MPHOSPH9: variants seen among roughly 807,000 people sequenced by gnomAD.
MPHOSPH9 encodes M-phase phosphoprotein 9.
A neutral mutation model predicts 145.5 loss-of-function variants in MPHOSPH9; 88 were observed. The observed-to-expected ratio is 0.60, with a 90% CI of 0.51 to 0.72. The LOEUF is 0.72. Ranked by LOEUF, MPHOSPH9 falls within the 30% of genes least tolerant of loss-of-function variation. MPHOSPH9 has a pLI of 0.00. For synonymous variants in MPHOSPH9, 435 were observed against 486.2 expected, an observed-to-expected ratio of 0.89 and a Z score of 1.39; for missense variants, 1,238 against 1,386.6, an observed-to-expected ratio of 0.89 and a Z score of 1.70.
chr12:123,238,987 T>C (rs2047891175), intron 1 of MPHOSPH9, among the ~76,000 whole-genome samples: 1 of 152,044 alleles, frequency 6.6e-6, no homozygotes, highest in South Asian at 2.1e-4. Context: ...TTTTAAAATA[T>C]TGGCTGGGTG....
At chr12:123,199,828 T>A in intron 11 of MPHOSPH9, among the ~76,000 whole-genome samples, 1 of 151,648 alleles carries the variant, frequency 6.6e-6, no homozygotes, top group Non-Finnish European at 1.5e-5. Context: ...AAGATTATCA[T>A]TGATCCCATT....
At chr12:123,173,036 T>G (rs1428044305) in intron 16 of MPHOSPH9, among the ~76,000 whole-genome samples, 2 of 151,634 alleles carry the variant, frequency 1.3e-5, no homozygotes, top group Non-Finnish European at 2.9e-5. Flanking sequence ...CCACTATGCC[T>G]GGCTTATTTT....
chr12:123,203,313 C>T lies in MPHOSPH9; in HGVS notation c.1257G>A (p.Arg419=), dbSNP rs1254701633. The part of the protein sequence containing the change: ...SLKDIYYKKQ[R]ENKQLPERNL... ...TCCTCTCAGGTAACTGCTTGTTTTC[C>T]CTTTGTTTTTTATAATAAATATCCT... is the stretch of plus-strand genomic sequence containing the variant. The change falls in exon 9 of 24, where the codon AGG becomes AGA. Residue 419 remains arginine, a synonymous_variant. Coordinates refer to ENST00000606320, the MANE Select transcript of MPHOSPH9 (RefSeq NM_022782.4). The T allele has an allele frequency of 6.2e-7, 1 of 1,612,844 alleles. No individual in the cohort carries two copies. The highest frequency in any genetic ancestry group is 8.5e-7 in the Non-Finnish European group (1 of 1,178,992).
chr12:123,170,752 T>C (rs933951928), intron 16 of MPHOSPH9, among the ~76,000 whole-genome samples: 2 of 152,224 alleles, frequency 1.3e-5, no homozygotes, highest in East Asian at 3.8e-4. Flanking sequence ...AATTAACACG[T>C]GTGAAAATTC....
intron 14 of MPHOSPH9, 92 bp downstream of exon 14, chr12:123,181,071 G>T: frequency 8.6e-7 from 1 of 1,164,516 alleles, no homozygotes; most frequent in Non-Finnish European, 1.3e-6. Context: ...TTCAGGAAGG[G>T]GTGCAAGGAG....
intron 13 of MPHOSPH9, among the ~76,000 whole-genome samples, chr12:123,181,542 T>TCAAAAA (rs888951927): frequency 1.4e-4 from 20 of 148,028 alleles, no homozygotes; most frequent in African/African-American, 2.5e-4. Context: ...CCTCGTCTCT[T>TCAAAAA]CAAAAACAAA....
intron 16 of MPHOSPH9, among the ~76,000 whole-genome samples, chr12:123,169,323 G>A (rs2044472290): frequency 6.6e-6 from 1 of 151,288 alleles, no homozygotes; most frequent in East Asian, 2.1e-4. Context: ...GTGAAACCCC[G>A]TCTCTACTAA....
At chr12:123,238,557 G>A (rs746517247) in intron 1 of MPHOSPH9, among the ~76,000 whole-genome samples, 2 of 152,126 alleles carry the variant, frequency 1.3e-5, no homozygotes, top group African/African-American at 4.8e-5. Flanking sequence ...GATTGCTTGA[G>A]CTCAGGAGTT....
chr12:123,214,689 T>A, intron 7 of MPHOSPH9, 55 bp downstream of exon 7: 1 of 1,367,210 alleles, frequency 7.3e-7, no homozygotes, highest in Non-Finnish European at 1.0e-6. Context: ...TCTAAGTACC[T>A]TCCTCTGAGT....
chr12:123,214,842 A>G lies in MPHOSPH9; in HGVS notation c.997-8T>C, dbSNP rs2046891433. ...AGCAGCAGCAAAATCAGACTACAAG[A>G]AAGAAAACTATTGATTGACAGCTAA... On this transcript the variant is annotated splice_region_variant and splice_polypyrimidine_tract_variant and intron_variant, in intron 6 of 23. Transcript: ENST00000606320. The G allele has an allele frequency of 6.2e-7, 1 of 1,604,178 alleles. No homozygotes were observed. The highest frequency in any genetic ancestry group is 8.5e-7 in the Non-Finnish European group (1 of 1,171,286).
In MPHOSPH9 at chr12:123,154,356, T is replaced by C. The variant is rs1387118289; in HGVS notation, c.*2451A>G. The C allele has an allele frequency of 6.6e-6, 1 of 152,124 alleles. No homozygotes were observed. Among genetic ancestry groups the C allele is most frequent in the East Asian group, 1.9e-4 (1 of 5,206 alleles). 9.4% of individuals were successfully genotyped at this position (152,124 alleles called of 1,614,324 possible). ...GCTTTTAGGTGGAGTGTTTTTTCAG[T>C]TGAGTGTTCATAAGATAAGCATTAC... On this transcript the variant is annotated 3_prime_UTR_variant, in exon 24 of 24. Coordinates refer to ENST00000606320, the MANE Select transcript of MPHOSPH9 (RefSeq NM_022782.4).
At chr12:123,160,749 C>T in intron 23 of MPHOSPH9, 32 bp downstream of exon 23, 1 of 1,602,046 alleles carries the variant, frequency 6.2e-7, no homozygotes, top group Non-Finnish European at 8.5e-7. Flanking sequence ...GGCATCAAGC[C>T]TCTAAAGCAG....
At chr12:123,209,973 T>C in intron 8 of MPHOSPH9, 83 bp downstream of exon 8, 1 of 815,594 alleles carries the variant, frequency 1.2e-6, no homozygotes, top group Non-Finnish European at 1.9e-6. Context: ...CCTGACCTCA[T>C]GATCCGCCCA....
rs1326264595 is a variant in MPHOSPH9, at chr12:123,193,096, A to AT, written c.2241+1289_2241+1290insA. Among the ~76,000 whole-genome samples, 811 of 87,150 alleles carry AT rather than the reference A, an allele frequency of 9.3e-3. 57 individuals carry two copies. Among genetic ancestry groups the AT allele is most frequent in the Middle Eastern group, 0.035 (5 of 142 alleles). 57.2% of individuals were successfully genotyped at this position (87,150 alleles called of 152,430 possible). On this transcript the variant is annotated intron_variant, in intron 13 of 23. Transcript: ENST00000606320. ...CAAAAAAAAAAAAAAAAAAAAAAAA[A>AT]ATATATATATATACACACACACACA... is the stretch of plus-strand genomic sequence containing the variant.
At position 123,230,470 on chromosome 12, in the gene MPHOSPH9, T is replaced by C; in HGVS notation, c.-106A>G. On this transcript the variant is annotated 5_prime_UTR_variant, in exon 2 of 24. An upstream start codon of the reference 5' UTR is lost. Transcript: ENST00000606320. ...TCAGAGGCTTCATCATCTACTGGCA[T>C]TTTCAGTGGCTAACATTCAGAACTG... The C allele has an allele frequency of 3.5e-6, 2 of 569,502 alleles. No individual in the cohort carries two copies. Among genetic ancestry groups the C allele is most frequent in the Non-Finnish European group, 6.0e-6 (2 of 334,670 alleles). The allele number at this position is 569,502 out of a possible 1,614,324, so 35.3% of individuals were successfully genotyped here. A position where few individuals can be genotyped will look rare whatever the true frequency, so the allele number is the denominator to read the frequency against.
intron 8 of MPHOSPH9, among the ~76,000 whole-genome samples, chr12:123,206,123 G>A (rs940054426): frequency 6.6e-6 from 1 of 152,020 alleles, no homozygotes; most frequent in African/African-American, 2.4e-5. Context: ...GGAAGATAAC[G>A]TGGGAAAACA....
At chr12:123,216,931 G>A (rs1176570079) in intron 6 of MPHOSPH9, among the ~76,000 whole-genome samples, 4 of 151,954 alleles carry the variant, frequency 2.6e-5, no homozygotes, top group Non-Finnish European at 5.9e-5. Flanking sequence ...AGAGATTGCA[G>A]TGAGCTGAGA....
rs896266189 is a variant in MPHOSPH9 at position 123,154,886 on chromosome 12, G to A, written c.*1921C>T. On this transcript the variant is annotated 3_prime_UTR_variant, in exon 24 of 24. Transcript: ENST00000606320. ...ATACCAAGAATAGGCCGGGTGTGGT[G>A]GCTCATGCCTGTAATCCCAGCACTT... 2.6e-5 allele frequency: 4 copies of A among 151,858 alleles called. No homozygotes were observed. The highest frequency in any genetic ancestry group is 9.7e-5 in the African/African-American group (4 of 41,304). The allele number at this position is 151,858 out of a possible 1,614,324, so 9.4% of individuals were successfully genotyped here.
At chr12:123,223,779 A>G (rs1044058158) in intron 3 of MPHOSPH9, among the ~76,000 whole-genome samples, 1 of 151,548 alleles carries the variant, frequency 6.6e-6, no homozygotes, top group Non-Finnish European at 1.5e-5. Context: ...CACTTTGTGA[A>G]CTCTGTCTCC....
Sources: gnomAD v4.1 joint callset for allele counts (sites outside exome capture counted in the v4.1 genomes callset) on GRCh38, gnomAD v4.1.1 for gene constraint, MANE v1.5 for transcripts, NCBI Gene and HGNC (gene_info 2026-07-23, HGNC 2026-07-21) for gene names.